The following HSPA12A variants were observed in gnomAD, a reference collection of about 807,000 sequenced individuals.
The protein encoded by HSPA12A is heat shock protein family A (Hsp70) member 12A, also known as heat shock 70 kDa protein 12A.
HSPA12A carries 28 observed loss-of-function variants against 69.2 expected under a neutral mutation model. That is an observed-to-expected ratio of 0.40 (90% CI 0.30 to 0.55). The LOEUF is 0.55. Ranked by LOEUF, HSPA12A falls within the 20% of genes least tolerant of loss-of-function variation. The probability of loss-of-function intolerance (pLI) is 0.38; values close to 1 mark genes in which losing one functional copy is unlikely to be tolerated. For missense variants in HSPA12A, 686 were observed against 900.7 expected, an observed-to-expected ratio of 0.76 and a Z score of 3.05; for synonymous variants, 345 against 370.5, an observed-to-expected ratio of 0.93 and a Z score of 0.79.
intron 2 of HSPA12A, among the ~76,000 whole-genome samples, chr10:116,821,045 C>G (rs781515058): frequency 6.6e-6 from 1 of 152,194 alleles, no homozygotes; most frequent in African/African-American, 2.4e-5. Context: ...ACCTTCTCCT[C>G]TAAATTCACA....
intron 1 of HSPA12A, among the ~76,000 whole-genome samples, chr10:116,708,602 A>T (rs1564789541): frequency 6.6e-6 from 1 of 152,208 alleles, no homozygotes; most frequent in Non-Finnish European, 1.5e-5. Flanking sequence ...AAATCTGCAC[A>T]GCCACCTCCC....
chr10:116,751,945 T>C (rs928277037), intron 2 of HSPA12A, among the ~76,000 whole-genome samples: 7 of 152,198 alleles, frequency 4.6e-5, no homozygotes, highest in Admixed American at 3.9e-4. Flanking sequence ...GCCAAGCAGA[T>C]GCCAATGCCT....
At chr10:116,720,992 C>G (rs1347601812) in intron 1 of HSPA12A, among the ~76,000 whole-genome samples, 1 of 152,214 alleles carries the variant, frequency 6.6e-6, no homozygotes, top group African/African-American at 2.4e-5. Flanking sequence ...GCACAGACAG[C>G]AGACTTCCAT....
chr10:116,838,089 A>C (rs1383747855), intron 1 of HSPA12A, among the ~76,000 whole-genome samples: 2 of 152,198 alleles, frequency 1.3e-5, no homozygotes, highest in Admixed American at 6.5e-5. Flanking sequence ...CTCATGGGAA[A>C]TAGATAGTAA....
intron 10 of HSPA12A, among the ~76,000 whole-genome samples, chr10:116,677,463 G>T (rs1197141067): frequency 6.6e-6 from 1 of 152,246 alleles, no homozygotes; most frequent in African/African-American, 2.4e-5. Flanking sequence ...CCCATGGCTG[G>T]CTGCAGCCTG....
rs1002583233 is a variant in HSPA12A at position 116,784,636 on chromosome 10, G to T, written c.91+50299C>A. Among the ~76,000 whole-genome samples, 14 of 152,350 alleles carry T rather than the reference G, an allele frequency of 9.2e-5. No individual in the cohort carries two copies. In the South Asian group the frequency reaches 1.0e-3, roughly 11 times the overall value. ...ATGATTGACATTTATGAAGTTGTCT[G>T]CCTAGCGTCCCTTTAGCAAGAGTTG... On this transcript the variant is annotated intron_variant, in intron 2 of 12. Coordinates refer to the HSPA12A transcript ENST00000635765.
In HSPA12A at chr10:116,675,855, G is replaced by A. The variant is rs1198267669; in HGVS notation, c.1391-437C>T. 2.0e-5 allele frequency among the ~76,000 whole-genome samples: 3 copies of A among 152,192 alleles called. No homozygotes were observed. The highest frequency in any genetic ancestry group is 4.4e-5 in the Non-Finnish European group (3 of 68,046). On this transcript the variant is annotated intron_variant, in intron 11 of 11. Transcript: ENST00000369209. The surrounding 1 kb of genome is among the most constrained non-coding windows in gnomAD (Gnocchi z 5.2). ...GGGACAGGATACTGAAAGAGGTCCTGGTGAGTTTGCTATGTGTCCCTGGGT... is the reference window on the plus strand; with the variant it reads ...GGGACAGGATACTGAAAGAGGTCCTAGTGAGTTTGCTATGTGTCCCTGGGT...
chr10:116,720,596 C>A (rs1554884294), intron 1 of HSPA12A, among the ~76,000 whole-genome samples: 1 of 152,254 alleles, frequency 6.6e-6, no homozygotes, highest in African/African-American at 2.4e-5. Flanking sequence ...CTTCCCCTGA[C>A]AGATCAGCTG....
At chr10:116,740,391 C>T (rs565896161) in intron 1 of HSPA12A, among the ~76,000 whole-genome samples, 1 of 152,322 alleles carries the variant, frequency 6.6e-6, no homozygotes, top group South Asian at 2.1e-4. Flanking sequence ...ATACTATTCA[C>T]ATCCTCCATT....
intron 2 of HSPA12A, among the ~76,000 whole-genome samples, chr10:116,817,178 GT>G (rs1015492205): frequency 7.2e-5 from 11 of 151,906 alleles, no homozygotes; most frequent in African/African-American, 2.7e-4. Context: ...CCCATTTGCT[GT>G]TTTTTTTCCC....
intron 1 of HSPA12A, among the ~76,000 whole-genome samples, chr10:116,718,484 G>A (rs1204112658): frequency 6.6e-6 from 1 of 152,196 alleles, no homozygotes; most frequent in African/African-American, 2.4e-5. Flanking sequence ...CTCTCTGCCA[G>A]TGCCCAGGAG....
intron 2 of HSPA12A, among the ~76,000 whole-genome samples, chr10:116,791,547 C>T (rs990487764): frequency 6.6e-6 from 1 of 152,174 alleles, no homozygotes; most frequent in African/African-American, 2.4e-5. Flanking sequence ...CCACATGTCT[C>T]AAATGCCTAA....
intron 1 of HSPA12A, among the ~76,000 whole-genome samples, chr10:116,839,603 G>GT (rs907886122): frequency 1.4e-5 from 1 of 69,312 alleles, no homozygotes; most frequent in African/African-American, 6.4e-5. Flanking sequence ...GATGCCTACC[G>GT]TAAAAAAAAA....
chr10:116,849,503 A>G (rs1413764402), intron 1 of HSPA12A: 1 of 1,430,520 alleles, frequency 7.0e-7, no homozygotes, highest in Non-Finnish European at 9.2e-7. Flanking sequence ...TGCGTTGCCT[A>G]GCGACAGCAG....
chr10:116,740,735 T>C (rs947920730), intron 1 of HSPA12A, among the ~76,000 whole-genome samples: 4 of 149,836 alleles, frequency 2.7e-5, no homozygotes, highest in African/African-American at 7.4e-5. Context: ...CTGAATTTGA[T>C]TTACAAGACA....
At chr10:116,756,125 T>C (rs1329452898) in intron 2 of HSPA12A, among the ~76,000 whole-genome samples, 6 of 152,174 alleles carry the variant, frequency 3.9e-5, no homozygotes, top group Non-Finnish European at 7.3e-5. Flanking sequence ...GGAGGGATAA[T>C]GAGGGAGGCT....
chr10:116,745,244 G>C (rs967867607), upstream of HSPA12A, among the ~76,000 whole-genome samples: 1 of 152,224 alleles, frequency 6.6e-6, no homozygotes, highest in South Asian at 2.1e-4. Flanking sequence ...ATAAATCCTT[G>C]ATGCTTGACT....
chr10:116,748,348 G>A (rs1198364167), intron 2 of HSPA12A, among the ~76,000 whole-genome samples: 1 of 152,208 alleles, frequency 6.6e-6, no homozygotes, highest in Non-Finnish European at 1.5e-5. Flanking sequence ...TGTTATCTGA[G>A]CCAGAGGGCT....
chr10:116,816,752 T>C (rs1287502613), intron 2 of HSPA12A, among the ~76,000 whole-genome samples: 2 of 152,196 alleles, frequency 1.3e-5, no homozygotes, highest in East Asian at 1.9e-4. Flanking sequence ...TAATGAGAAA[T>C]ACCAGAGGGT....
Sources: allele counts gnomAD v4.1 joint callset (sites outside exome capture counted in the v4.1 genomes callset), GRCh38; gene constraint gnomAD v4.1.1; non-coding constraint Gnocchi (gnomAD v3.1); transcripts MANE v1.5; gene names NCBI Gene and HGNC (gene_info 2026-07-23, HGNC 2026-07-21).